Variants in KARS1 observed in about 807,000 individuals in gnomAD.
The protein encoded by KARS1 is lysine--tRNA ligase.
Under a neutral mutation model 63.9 loss-of-function variants are expected in KARS1, and 50 were observed. The observed-to-expected ratio is 0.78, with a 90% confidence interval of 0.62 to 0.99. KARS1 has a LOEUF of 0.99. Ranked by LOEUF, KARS1 falls within the 50% of genes least tolerant of loss-of-function variation. The pLI, the probability that KARS1 is intolerant of heterozygous loss-of-function variation, is 0.00. For synonymous variants in KARS1, 320 were observed against 264.6 expected (o/e 1.21, Z -2.03); for missense variants, 816 against 754.5 (o/e 1.08, Z -0.95).
intron 1 of KARS1, among the ~76,000 whole-genome samples, chr16:75,644,724 A>C (rs1321218719): frequency 6.6e-6 from 1 of 152,240 alleles, no homozygotes; most frequent in Non-Finnish European, 1.5e-5. Flanking sequence ...GCTTACAGGT[A>C]AAATTGCTCA....
chr16:75,630,492 AG>A lies in KARS1; in HGVS notation c.1354del (p.Leu452TrpfsTer3), dbSNP rs1567498374. ...RLLDKLVGEF[L>X]EVTCINPTFI... is the part of the protein sequence containing the mutation. ...TGTAGGATTGATGCAAGTCACTTCC[AG>A]GAACTCCCCAACAAGCTTAATGAGA... On this transcript the variant is annotated frameshift_variant, in exon 11 of 14. Transcript: ENST00000302445. LOFTEE classifies it high-confidence loss of function. 1.9e-5 allele frequency: 31 copies of A among 1,609,880 alleles called. No individual in the cohort carries two copies. The highest frequency in any genetic ancestry group is 2.5e-5 in the Non-Finnish European group (30 of 1,176,484).
At position 75,628,840 on chromosome 16, in the gene KARS1, C is replaced by T. The variant is rs2082079784; in HGVS notation, c.1552-128G>A. 3.0e-6 allele frequency: 3 copies of T among 986,486 alleles called. No individual in the cohort carries two copies. In the African/African-American group the frequency reaches 4.8e-5, roughly 16 times the overall value. The allele number at this position is 986,486 out of a possible 1,614,324, so 61.1% of individuals were successfully genotyped here. The stretch of plus-strand genomic sequence containing the variant: ...AGATGCTCCTGACACTCAGGACTTG[C>T]TGGGAATTCATTTCCTAGTAACTCC... On this transcript the variant is annotated intron_variant, in intron 12 of 13. Transcript: ENST00000302445.
chr16:75,637,048 A>T (rs866922795), intron 3 of KARS1, among the ~76,000 whole-genome samples: 1 of 151,950 alleles, frequency 6.6e-6, no homozygotes, highest in African/African-American at 2.4e-5. Context: ...TGTCCATTCA[A>T]ACCAGTTAAA....
At chr16:75,639,375 C>G (rs896060441) in intron 3 of KARS1, among the ~76,000 whole-genome samples, 2 of 151,582 alleles carry the variant, frequency 1.3e-5, no homozygotes, top group African/African-American at 2.4e-5. Context: ...AGTTCGAGAC[C>G]AGCCTGGTCA....
chr16:75,636,373 T>TC, intron 4 of KARS1, 81 bp downstream of exon 4: 1 of 965,452 alleles, frequency 1.0e-6, no homozygotes. Context: ...TAACTTCAAA[T>TC]ACCAGTAAGA....
At chr16:75,641,236 G>T (rs1176058449) in intron 2 of KARS1, among the ~76,000 whole-genome samples, 1 of 152,074 alleles carries the variant, frequency 6.6e-6, no homozygotes, top group East Asian at 1.9e-4. Context: ...GGGTTTGGCT[G>T]GTGGACTGTA....
At chr16:75,641,008 G>A (rs920463439) in intron 2 of KARS1, among the ~76,000 whole-genome samples, 1 of 152,108 alleles carries the variant, frequency 6.6e-6, no homozygotes, top group African/African-American at 2.4e-5. Context: ...TTCAAGACCA[G>A]CCTGGCCAAC....
chr16:75,644,467 C>T (rs369687751), intron 1 of KARS1: 134 of 1,581,138 alleles, frequency 8.5e-5, no homozygotes, highest in Non-Finnish European at 1.0e-4. Context: ...CACCACCTAG[C>T]GGGAAACACA....
chr16:75,635,441 A>G, intron 6 of KARS1: 1 of 505,642 alleles, frequency 2.0e-6, no homozygotes. Flanking sequence ...GTGAATACAT[A>G]TTGAATGTGA....
intron 3 of KARS1, among the ~76,000 whole-genome samples, chr16:75,637,915 AAAG>A (rs1338534267): frequency 6.6e-6 from 1 of 151,596 alleles, no homozygotes; most frequent in Non-Finnish European, 1.5e-5. Context: ...AAAAAAAAAA[AAAG>A]AAGACCCAAA....
intron 7 of KARS1, among the ~76,000 whole-genome samples, chr16:75,633,373 T>A (rs1176947410): frequency 4.6e-5 from 7 of 152,192 alleles, no homozygotes; most frequent in African/African-American, 1.4e-4. Context: ...GAGCAATACC[T>A]CACCTATAGA....
chr16:75,646,955 T>C (rs1424103710), intron 1 of KARS1, among the ~76,000 whole-genome samples: 4 of 152,188 alleles, frequency 2.6e-5, no homozygotes, highest in Admixed American at 2.6e-4. Flanking sequence ...TCCTGACTTA[T>C]CTATGTTAAC....
intron 1 of KARS1, chr16:75,644,560 A>G (rs1364612424): frequency 6.4e-6 from 5 of 781,784 alleles, no homozygotes; most frequent in South Asian, 6.3e-5. Context: ...CCATGCTTCT[A>G]CTACCTTTTA....
At chr16:75,631,627 CA>C in intron 8 of KARS1, 38 bp from the exon 9 acceptor site, 1 of 1,613,892 alleles carries the variant, frequency 6.2e-7, no homozygotes, top group Non-Finnish European at 8.5e-7. Flanking sequence ...GAATGAAATC[CA>C]GGCAGCCCTC....
At chr16:75,633,091 T>C (rs965135018) in intron 7 of KARS1, among the ~76,000 whole-genome samples, 1 of 152,224 alleles carries the variant, frequency 6.6e-6, no homozygotes, top group Non-Finnish European at 1.5e-5. Context: ...TGGACTTTAA[T>C]AATTCCTAGA....
chr16:75,638,365 C>T (rs1402482628), intron 3 of KARS1, among the ~76,000 whole-genome samples: 1 of 152,120 alleles, frequency 6.6e-6, no homozygotes, highest in Non-Finnish European at 1.5e-5. Flanking sequence ...AGGTATTTGT[C>T]CTAACCCTGT....
chr16:75,633,046 G>C (rs368371635), intron 7 of KARS1, among the ~76,000 whole-genome samples: 70 of 152,072 alleles, frequency 4.6e-4, no homozygotes, highest in African/African-American at 1.5e-3. Context: ...CAAAGATACT[G>C]CTCCCTAATG....
chr16:75,631,765 T>A lies in KARS1; in HGVS notation c.1006A>T (p.Thr336Ser). 6.2e-7 allele frequency: 1 copy of A among 1,614,224 alleles called. No homozygotes were observed. The highest frequency in any genetic ancestry group is 1.1e-5 in the South Asian group (1 of 91,086). ...GIDLTHNPEF[T>S]TCEFYMAYAD... ...TAGGCCATGTAGAACTCACAGGTGG[T>A]GAACTCAGGATTGTGCGTCAAATCA... is the stretch of plus-strand genomic sequence containing the variant. Residue 336 changes from threonine to serine, a missense_variant, in exon 8 of 14, where the codon ACC (threonine) becomes TCC (serine). Thr to Ser is a moderately conservative substitution (Grantham distance 58). Transcript: ENST00000302445.
At chr16:75,646,605 T>C (rs1412778892) in intron 1 of KARS1, among the ~76,000 whole-genome samples, 2 of 151,838 alleles carry the variant, frequency 1.3e-5, no homozygotes, top group Non-Finnish European at 2.9e-5. Context: ...TCCGTCTCAG[T>C]AACTCCTTGG....
Sources: allele counts gnomAD v4.1 joint callset (sites outside exome capture counted in the v4.1 genomes callset), GRCh38; gene constraint gnomAD v4.1.1; transcripts MANE v1.5; gene names NCBI Gene and HGNC (gene_info 2026-07-23, HGNC 2026-07-21).